NKAIN2: variants seen among roughly 807,000 people sequenced by gnomAD.
NKAIN2 encodes sodium/potassium-transporting ATPase subunit beta-1-interacting protein 2.
In NKAIN2, 14 loss-of-function variants were observed where a neutral mutation model predicts 32.6. The ratio of observed to expected loss-of-function variants is 0.43; its 90% CI spans 0.28 to 0.67. The LOEUF (loss-of-function observed/expected upper bound fraction) is 0.67. Ranked by LOEUF, NKAIN2 falls within the 30% of genes least tolerant of loss-of-function variation. NKAIN2 has a pLI of 0.17. For synonymous variants in NKAIN2, 80 were observed against 87.2 expected (o/e 0.92, Z 0.46); for missense variants, 198 against 258.3 (o/e 0.77, Z 1.60).
At chr6:124,628,219 C>A (rs1783429944) in intron 3 of NKAIN2, among the ~76,000 whole-genome samples, 1 of 152,116 alleles carries the variant, frequency 6.6e-6, no homozygotes, top group Non-Finnish European at 1.5e-5. Flanking sequence ...AATCAACTCC[C>A]CTGTTAAGTC....
At chr6:123,956,836 G>A (rs1268633625) in intron 1 of NKAIN2, among the ~76,000 whole-genome samples, 3 of 152,202 alleles carry the variant, frequency 2.0e-5, no homozygotes, top group Non-Finnish European at 4.4e-5. Context: ...TAGCCTCTCT[G>A]TGAATCAGTG....
intron 1 of NKAIN2, among the ~76,000 whole-genome samples, chr6:123,861,009 C>T (rs1259253040): frequency 6.6e-6 from 1 of 152,162 alleles, no homozygotes; most frequent in Non-Finnish European, 1.5e-5. Flanking sequence ...CACAGGTATC[C>T]TGTAGGAACA....
At chr6:124,534,851 A>G (rs1437130801) in intron 3 of NKAIN2, among the ~76,000 whole-genome samples, 2 of 152,110 alleles carry the variant, frequency 1.3e-5, no homozygotes, top group East Asian at 1.9e-4. Context: ...AAGACTTTAC[A>G]TGTACAGTTG....
At chr6:124,188,969 A>C (rs1789882503) in intron 1 of NKAIN2, among the ~76,000 whole-genome samples, 1 of 152,234 alleles carries the variant, frequency 6.6e-6, no homozygotes, top group Non-Finnish European at 1.5e-5. Context: ...AATTTGAAAA[A>C]TAATCATCTC....
chr6:124,670,147 TGTTA>T (rs1414414564), intron 4 of NKAIN2, among the ~76,000 whole-genome samples: 3 of 152,114 alleles, frequency 2.0e-5, no homozygotes, highest in Non-Finnish European at 4.4e-5. Flanking sequence ...TTTAGAGAAA[TGTTA>T]GTTACTTGAT....
intron 1 of NKAIN2, among the ~76,000 whole-genome samples, chr6:124,005,797 G>C (rs1317945541): frequency 6.6e-6 from 1 of 152,100 alleles, no homozygotes; most frequent in Non-Finnish European, 1.5e-5. Flanking sequence ...ATTCAGAGCT[G>C]GTTTTTGCTA....
chr6:124,355,061 C>T (rs985716141), intron 2 of NKAIN2, among the ~76,000 whole-genome samples: 5 of 135,198 alleles, frequency 3.7e-5, no homozygotes, highest in African/African-American at 1.4e-4. Flanking sequence ...CAGAGTGCGA[C>T]TTTGTCATTA....
intron 1 of NKAIN2, among the ~76,000 whole-genome samples, chr6:124,061,745 A>G (rs1230345031): frequency 6.6e-6 from 1 of 151,946 alleles, no homozygotes; most frequent in Non-Finnish European, 1.5e-5. Flanking sequence ...CAAAGAAGAG[A>G]TCTAGTATGA....
intron 1 of NKAIN2, among the ~76,000 whole-genome samples, chr6:124,276,847 A>C (rs2114899583): frequency 6.6e-6 from 1 of 152,312 alleles, no homozygotes; most frequent in Admixed American, 6.5e-5. Flanking sequence ...AGCGTGCTCA[A>C]GACTACAGTT....
intron 1 of NKAIN2, among the ~76,000 whole-genome samples, chr6:124,002,641 T>A (rs1779926426): frequency 6.6e-6 from 1 of 152,178 alleles, no homozygotes; most frequent in South Asian, 2.1e-4. Flanking sequence ...AAACCTGGCC[T>A]GGCGATGGCA....
At chr6:124,627,444 AAAT>A (rs1783397795) in intron 3 of NKAIN2, among the ~76,000 whole-genome samples, 1 of 152,156 alleles carries the variant, frequency 6.6e-6, no homozygotes, top group South Asian at 2.1e-4. Context: ...GGAGTAAGAC[AAAT>A]AATAGGATGT....
chr6:124,725,986 T>G (rs1776275287), intron 4 of NKAIN2, among the ~76,000 whole-genome samples: 1 of 152,326 alleles, frequency 6.6e-6, no homozygotes, highest in African/African-American at 2.4e-5. Context: ...ACCCGAATAC[T>G]GCGCTTTTCC....
chr6:124,390,026 C>T (rs1156987864), intron 3 of NKAIN2, among the ~76,000 whole-genome samples: 3 of 152,044 alleles, frequency 2.0e-5, no homozygotes. Flanking sequence ...TATGTTAGCA[C>T]ACTCAGCCTG....
At chr6:124,736,193 G>A (rs1776931129) in intron 4 of NKAIN2, among the ~76,000 whole-genome samples, 1 of 151,912 alleles carries the variant, frequency 6.6e-6, no homozygotes, top group South Asian at 2.1e-4. Context: ...GATCAAAACA[G>A]CCACAAAATT....
At chr6:124,522,332 G>C (rs1021937390) in intron 3 of NKAIN2, among the ~76,000 whole-genome samples, 2 of 152,034 alleles carry the variant, frequency 1.3e-5, no homozygotes, top group African/African-American at 4.8e-5. Context: ...ACTCAATCAT[G>C]TACACACTCT....
chr6:124,280,969 A>G (rs1795265151), intron 1 of NKAIN2, among the ~76,000 whole-genome samples: 1 of 152,232 alleles, frequency 6.6e-6, no homozygotes, highest in South Asian at 2.1e-4. Flanking sequence ...TGGTTGTGCC[A>G]TAACAAGAAC....
At chr6:123,963,443 A>G (rs1025004102) in intron 1 of NKAIN2, among the ~76,000 whole-genome samples, 1 of 152,198 alleles carries the variant, frequency 6.6e-6, no homozygotes, top group African/African-American at 2.4e-5. Context: ...AATTGTCCAG[A>G]GAGTTGATGT....
chr6:124,118,730 G>A (rs941792646), intron 1 of NKAIN2, among the ~76,000 whole-genome samples: 2 of 152,124 alleles, frequency 1.3e-5, no homozygotes, highest in South Asian at 2.1e-4. Flanking sequence ...CTATAATTGT[G>A]TCATTTTGTT....
At chr6:123,823,869 T>C (rs150355536) in intron 1 of NKAIN2, among the ~76,000 whole-genome samples, 2,872 of 152,132 alleles carry the variant, frequency 0.019, 46 homozygotes, top group Non-Finnish European at 0.027. Context: ...AGGGAGTTTT[T>C]GATAGGGTAG....
Sources: allele counts gnomAD v4.1 joint callset (sites outside exome capture counted in the v4.1 genomes callset), GRCh38; gene constraint gnomAD v4.1.1; transcripts MANE v1.5; gene names NCBI Gene and HGNC (gene_info 2026-07-23, HGNC 2026-07-21).